Variants in POMT1 observed in about 807,000 individuals in gnomAD.
The protein encoded by POMT1 is protein O-mannosyl-transferase 1.
In POMT1, 85 loss-of-function variants were observed where a neutral mutation model predicts 101.6. That is an observed-to-expected ratio of 0.84 (90% CI 0.70 to 1.00). The LOEUF (loss-of-function observed/expected upper bound fraction) is 1.00, where lower values mean the gene tolerates loss of function less well. Ranked by LOEUF, POMT1 falls within the 50% of genes least tolerant of loss-of-function variation. The probability of loss-of-function intolerance (pLI) is 0.00; values close to 1 mark genes in which losing one functional copy is unlikely to be tolerated. For missense variants in POMT1, 857 were observed against 930.4 expected, an observed-to-expected ratio of 0.92 and a Z score of 1.03; for synonymous variants, 371 against 383.0, an observed-to-expected ratio of 0.97 and a Z score of 0.37.
chr9:131,511,276 G>A, intron 9 of POMT1, 61 bp from the exon 10 acceptor site: 2 of 1,540,764 alleles, frequency 1.3e-6, no homozygotes, highest in South Asian at 2.3e-5. Flanking sequence ...CATCGGGAAG[G>A]CTGGCTTAGG....
In POMT1 at chr9:131,522,950, C is replaced by G. The variant is rs768264284; in HGVS notation, c.2022C>G (p.Ser674Arg). The G allele has an allele frequency of 2.1e-5, 33 of 1,595,622 alleles. No homozygotes were observed. Among genetic ancestry groups the G allele is most frequent in the Non-Finnish European group, 2.6e-5 (30 of 1,173,180 alleles). Residue 674 changes from serine (S) to arginine (R), a missense_variant, in exon 20 of 20, where the codon AGC (serine) becomes AGG (arginine). Physicochemically the swap from Ser to Arg is moderately radical, Grantham distance 110. Transcript: ENST00000402686. The surrounding 1 kb of genome is among the most constrained non-coding windows in gnomAD (Gnocchi z 5.5). Reference protein sequence around the residue: ...DHLCRSQLQRSIFSALVVAWY... With the variant: ...DHLCRSQLQRRIFSALVVAWY... ...TCTGCAGGTCCCAGCTCCAGAGGAG[C>G]ATCTTCAGCGCCCTGGTGGTGGCCT...
chr9:131,514,438 G>T lies in POMT1; in HGVS notation c.1176-988G>T, dbSNP rs531445533. Among the ~76,000 whole-genome samples the T allele has an allele frequency of 1.4e-4, 21 of 152,244 alleles. 1 individual carries two copies. Among genetic ancestry groups the T allele is most frequent in the Non-Finnish European group, 1.5e-5 (1 of 68,036 alleles). ...CCATGGCCCCTCTATGTAGGGGTCT[G>T]CTGGGATGTCACTGCATCCAAAAGT... On this transcript the variant is annotated intron_variant, in intron 12 of 19. Coordinates refer to ENST00000402686, the MANE Select transcript of POMT1 (RefSeq NM_001077365.2).
At position 131,507,475 on chromosome 9, in the gene POMT1, CA is replaced by C. The variant is rs1564336750; in HGVS notation, c.389del (p.His130LeufsTer10). 4.3e-6 allele frequency: 7 copies of C among 1,614,186 alleles called. No individual in the cohort carries two copies. The highest frequency in any genetic ancestry group is 5.9e-6 in the Non-Finnish European group (7 of 1,180,030). On this transcript the variant is annotated frameshift_variant, in exon 5 of 20. Transcript: ENST00000402686. LOFTEE classifies it high-confidence loss of function. Reference protein sequence around the residue: ...YQIVLELHFSHCAAMGAALLM... With the variant: ...YQIVLELHFSXCAAMGAALLM... ...GATAGTGTTGGAGCTCCACTTTTCT[CA>C]TTGTGCCGCCATGGGAGCTGCTCTG...
intron 13 of POMT1, among the ~76,000 whole-genome samples, chr9:131,516,135 A>G (rs1423920135): frequency 4.2e-4 from 25 of 59,448 alleles, no homozygotes; most frequent in Admixed American, 3.2e-3. Flanking sequence ...CTCACACGGA[A>G]CACTTCCTCT....
At chr9:131,518,570 G>A in intron 14 of POMT1, 33 bp downstream of exon 14, 1 of 1,575,492 alleles carries the variant, frequency 6.3e-7, no homozygotes, top group Non-Finnish European at 8.7e-7. Flanking sequence ...GGCCTGTCCT[G>A]AGCTGTGGGC....
At chr9:131,512,161 G>T (rs745694468) in intron 11 of POMT1, 25 bp downstream of exon 11, 1 of 1,611,778 alleles carries the variant, frequency 6.2e-7, no homozygotes, top group Admixed American at 1.7e-5. Context: ...TGTGACTCCA[G>T]AGCAGAGCTC....
intron 12 of POMT1, 75 bp downstream of exon 12, chr9:131,513,406 G>A (rs1564359367): frequency 7.2e-7 from 1 of 1,379,658 alleles, no homozygotes; most frequent in African/African-American, 1.4e-5. Context: ...CAAAACGTGA[G>A]CCCTGCCTTG....
At chr9:131,511,304 C>T (rs774406207) in intron 9 of POMT1, 33 bp from the exon 10 acceptor site, 2 of 1,591,908 alleles carry the variant, frequency 1.3e-6, no homozygotes, top group Non-Finnish European at 1.7e-6. Flanking sequence ...TTCTTTCTGT[C>T]TCTCACTCAT....
intron 5 of POMT1, 35 bp downstream of exon 5, chr9:131,507,549 T>C (rs1350839194): frequency 1.6e-5 from 26 of 1,613,038 alleles, no homozygotes; most frequent in Non-Finnish European, 2.2e-5. Flanking sequence ...CTTGCTGTCA[T>C]GCAGGGAAGA....
In POMT1 at chr9:131,522,913, G is replaced by T; in HGVS notation, c.2004-19G>T. 1.3e-6 allele frequency: 2 copies of T among 1,571,334 alleles called. No individual in the cohort carries two copies. On this transcript the variant is annotated intron_variant, in intron 19 of 19. Transcript: ENST00000402686. This position sits in a 1 kb window ranked among gnomAD's most constrained non-coding sequence, Gnocchi z 5.5. ...GCAGTGGTCAGCCACCCTCCCCCAC[G>T]CTGCTCTGACCTCTGCAGGTCCCAG...
intron 9 of POMT1, 126 bp from the exon 10 acceptor site, chr9:131,511,211 C>T (rs1276653579): frequency 5.0e-6 from 5 of 993,982 alleles, no homozygotes; most frequent in Non-Finnish European, 7.5e-6. Flanking sequence ...GAGATCATTA[C>T]CACTGTTACA....
In POMT1 at chr9:131,522,542, G is replaced by A; in HGVS notation, c.2003+318G>A. 3.7e-6 allele frequency: 2 copies of A among 539,674 alleles called. No homozygotes were observed. The highest frequency in any genetic ancestry group is 6.6e-6 in the Non-Finnish European group (2 of 301,106). 33.4% of individuals were successfully genotyped at this position (539,674 alleles called of 1,614,324 possible). Reference sequence around the variant, plus strand: ...CCAGGAGCCTGGGGTGTCAGAAACGGCAGCTGGTTATGGTCGGGTTGTGTG... The same window carrying A: ...CCAGGAGCCTGGGGTGTCAGAAACGACAGCTGGTTATGGTCGGGTTGTGTG... On this transcript the variant is annotated intron_variant, in intron 19 of 19. Coordinates refer to ENST00000402686, the MANE Select transcript of POMT1 (RefSeq NM_001077365.2). This position sits in a 1 kb window ranked among gnomAD's most constrained non-coding sequence, Gnocchi z 5.5.
Position 131,511,374 on chromosome 9 carries a change from A to G in POMT1, c.893A>G (p.Glu298Gly). 1 of 1,613,812 alleles carries G rather than the reference A, an allele frequency of 6.2e-7. No individual in the cohort carries two copies. Among genetic ancestry groups the G allele is most frequent in the Non-Finnish European group, 8.5e-7 (1 of 1,179,730 alleles). The change falls in exon 10 of 20, where the codon GAG becomes GGG. Residue 298 changes from glutamate (E) to glycine (G), a missense_variant. Physicochemically the swap from Glu to Gly is moderately conservative, Grantham distance 98. Coordinates refer to ENST00000402686, the MANE Select transcript of POMT1 (RefSeq NM_001077365.2). ...CGGATCACTCAGGGTCAGCCACTGGAGGTGGCCTTTGGGTCCCAGGTCACT... is the reference window on the plus strand; with the variant it reads ...CGGATCACTCAGGGTCAGCCACTGGGGGTGGCCTTTGGGTCCCAGGTCACT... The part of the protein sequence containing the change: ...LARITQGQPL[E>G]VAFGSQVTLR...
chr9:131,510,482 C>T (rs901374092), intron 9 of POMT1, 67 bp downstream of exon 9: 2 of 1,524,442 alleles, frequency 1.3e-6, no homozygotes, highest in Non-Finnish European at 1.8e-6. Context: ...AGTTTTCTTA[C>T]AAACACATCA....
At chr9:131,512,486 C>T (rs1164892841) in intron 11 of POMT1, among the ~76,000 whole-genome samples, 2 of 152,186 alleles carry the variant, frequency 1.3e-5, no homozygotes, top group Admixed American at 1.3e-4. Context: ...TTCCCATATC[C>T]AGTCCTGTGG....
At position 131,523,070 on chromosome 9, in the gene POMT1, G is replaced by T. The variant is rs763113083; in HGVS notation, c.2142G>T (p.Trp714Cys). 6.2e-7 allele frequency: 1 copy of T among 1,611,614 alleles called. No homozygotes were observed. Among genetic ancestry groups the T allele is most frequent in the Admixed American group, 1.7e-5 (1 of 59,982 alleles). ...LSPHELKALR[W>C]KDSWDILIRK... ...CACATGAACTCAAGGCCCTTCGCTG[G>T]AAAGACAGCTGGGACATCTTGATCC... Residue 714 changes from tryptophan to cysteine, a missense_variant, in exon 20 of 20, where the codon TGG (tryptophan) becomes TGT (cysteine). By Grantham distance (215) the Trp-to-Cys change is radical. Transcript: ENST00000402686.
At position 131,509,996 on chromosome 9, in the gene POMT1, T is replaced by C. The variant is rs1283851758; in HGVS notation, c.699T>C (p.Asn233=). ...WHLLGDQTLS[N]VCVFCHLLAR... ...TGCTTGGAGACCAGACTTTGTCCAA[T>C]GTAGGTGCTGATGTCCAGTGCTGCA... The change falls in exon 8 of 20, where the codon AAT becomes AAC. Residue 233 remains asparagine, a splice_region_variant and synonymous_variant. Coordinates refer to ENST00000402686, the MANE Select transcript of POMT1 (RefSeq NM_001077365.2). 1.9e-6 allele frequency: 3 copies of C among 1,614,008 alleles called. No individual in the cohort carries two copies. The highest frequency in any genetic ancestry group is 2.7e-5 in the African/African-American group (2 of 74,932).
At chr9:131,512,167 A>G (rs1171705849) in intron 11 of POMT1, 31 bp downstream of exon 11, 1 of 1,610,676 alleles carries the variant, frequency 6.2e-7, no homozygotes, top group Admixed American at 1.7e-5. Flanking sequence ...TCCAGAGCAG[A>G]GCTCACCTCC....
rs891041295 is a variant in POMT1 at position 131,503,475 on chromosome 9, T to C, written c.-31+402T>C. 1.3e-5 allele frequency among the ~76,000 whole-genome samples: 2 copies of C among 152,082 alleles called. No individual in the cohort carries two copies. ...TTGGGACGAAGGCGCTCAAGGCAGA[T>C]GCAGCTCAGGGAGGGAAGGGCGCGT... is the stretch of plus-strand genomic sequence containing the variant. On this transcript the variant is annotated intron_variant, in intron 1 of 19. Transcript: ENST00000402686. The surrounding 1 kb of genome is among the most constrained non-coding windows in gnomAD (Gnocchi z 4.4).
Sources: allele counts gnomAD v4.1 joint callset (sites outside exome capture counted in the v4.1 genomes callset), GRCh38; gene constraint gnomAD v4.1.1; non-coding constraint Gnocchi (gnomAD v3.1); transcripts MANE v1.5; gene names NCBI Gene and HGNC (gene_info 2026-07-23, HGNC 2026-07-21).